ADAMTS2: variants seen among roughly 807,000 people sequenced by gnomAD.
ADAMTS2 encodes the protein ADAM metallopeptidase with thrombospondin type 1 motif 2, also known as A disintegrin and metalloproteinase with thrombospondin motifs 2.
Under a neutral mutation model 123.0 loss-of-function variants are expected in ADAMTS2, and 50 were observed. The observed-to-expected ratio is 0.41, with a 90% confidence interval of 0.32 to 0.51. The LOEUF (loss-of-function observed/expected upper bound fraction) is 0.51, where lower values mean the gene tolerates loss of function less well. Among genes scored for constraint, ADAMTS2 ranks in the 20% least tolerant of loss-of-function variants. The pLI is 0.35. For missense variants in ADAMTS2, 1,494 were observed against 1,705.2 expected (o/e 0.88, Z 2.18); for synonymous variants, 678 against 695.4 (o/e 0.98, Z 0.39).
rs191310827 is a variant in ADAMTS2 at position 179,190,221 on chromosome 5, T to G, written c.892-9066A>C. ...GAAGTGTTGGGGTGGTGAAAATTTTTGGGGGTGATATGGAGAGATAATGGG... is the reference window on the plus strand; with the variant it reads ...GAAGTGTTGGGGTGGTGAAAATTTTGGGGGGTGATATGGAGAGATAATGGG... On this transcript the variant is annotated intron_variant, in intron 4 of 21. Coordinates refer to ENST00000251582, the MANE Select transcript of ADAMTS2 (RefSeq NM_014244.5). 4.2e-3 allele frequency among the ~76,000 whole-genome samples: 635 copies of G among 152,220 alleles called. 8 individuals are homozygous for G. Among genetic ancestry groups the G allele is most frequent in the African/African-American group, 0.014 (592 of 41,534 alleles).
chr5:179,178,104 A>T (rs1360983208), intron 5 of ADAMTS2, among the ~76,000 whole-genome samples: 1 of 152,176 alleles, frequency 6.6e-6, no homozygotes, highest in African/African-American at 2.4e-5. Context: ...AGAGGATATA[A>T]CTCTGTCCAT....
chr5:179,325,387 G>C lies in ADAMTS2; in HGVS notation c.534+18380C>G, dbSNP rs925970642. Among the ~76,000 whole-genome samples the C allele has an allele frequency of 4.6e-5, 7 of 152,312 alleles. No individual in the cohort carries two copies. The South Asian group carries it at 1.5e-3, about 32-fold the overall frequency. The stretch of plus-strand genomic sequence containing the variant: ...GTGGGAGAAACGGGGGCAGGGAGAA[G>C]ACAGGGCAGATGTCCTGGAGACAGA... On this transcript the variant is annotated intron_variant, in intron 2 of 21. Coordinates refer to ENST00000251582, the MANE Select transcript of ADAMTS2 (RefSeq NM_014244.5).
chr5:179,154,882 G>T lies in ADAMTS2; in HGVS notation c.1170C>A (p.Arg390=). 1.2e-6 allele frequency: 2 copies of T among 1,613,724 alleles called. No individual in the cohort carries two copies. Among genetic ancestry groups the T allele is most frequent in the Non-Finnish European group, 1.7e-6 (2 of 1,179,950 alleles). Residue 390 remains arginine, a synonymous_variant, in exon 7 of 22, where the codon CGC becomes CGA. Transcript: ENST00000251582. ...CGTCCTCATGGTTCAGGGTGCAGCTGCGGACCGGATGGCACATGCCGGTGA... is the reference window on the plus strand; with the variant it reads ...CGTCCTCATGGTTCAGGGTGCAGCTTCGGACCGGATGGCACATGCCGGTGA... ...APVTGMCHPV[R]SCTLNHEDGF...
intron 4 of ADAMTS2, among the ~76,000 whole-genome samples, chr5:179,186,559 C>T (rs998578260): frequency 1.3e-5 from 2 of 152,204 alleles, no homozygotes; most frequent in Non-Finnish European, 2.9e-5. Flanking sequence ...CCTGCCCAGC[C>T]CTGGCCAGAG....
intron 3 of ADAMTS2, among the ~76,000 whole-genome samples, chr5:179,243,404 G>A (rs1431867482): frequency 6.6e-6 from 1 of 152,206 alleles, no homozygotes; most frequent in African/African-American, 2.4e-5. Context: ...GACAGTCATA[G>A]GGAGCCCTGC....
rs1309849907 is a variant in ADAMTS2 at position 179,158,965 on chromosome 5, C to T, written c.976-86G>A. On this transcript the variant is annotated intron_variant, in intron 5 of 21. Transcript: ENST00000251582. The surrounding 1 kb of genome is among the most constrained non-coding windows in gnomAD (Gnocchi z 5.0). ...CCGAGCAGGCTGTAGTGTTGACAGACCCCATCCACTGGGAATCTGTTCCAG... is the reference window on the plus strand; with the variant it reads ...CCGAGCAGGCTGTAGTGTTGACAGATCCCATCCACTGGGAATCTGTTCCAG... 2.2e-5 allele frequency: 33 copies of T among 1,512,330 alleles called. No homozygotes were observed. Among genetic ancestry groups the T allele is most frequent in the Non-Finnish European group, 2.6e-5 (29 of 1,113,824 alleles). 93.7% of individuals were successfully genotyped at this position (1,512,330 alleles called of 1,614,324 possible).
At chr5:179,153,734 T>A in intron 8 of ADAMTS2, 111 bp from the exon 9 acceptor site, 2 of 1,421,794 alleles carry the variant, frequency 1.4e-6, no homozygotes, top group Non-Finnish European at 9.4e-7. Context: ...TACCTGCACA[T>A]CCCGGCCCCT....
chr5:179,321,710 C>G (rs917588686), intron 2 of ADAMTS2, among the ~76,000 whole-genome samples: 1 of 150,794 alleles, frequency 6.6e-6, no homozygotes, highest in African/African-American at 2.4e-5. Flanking sequence ...AGACCTTGCC[C>G]CTGCACCTAG....
Position 179,312,702 on chromosome 5 carries a change from A to T in ADAMTS2, c.534+31065T>A, listed in dbSNP as rs1756866932. Among the ~76,000 whole-genome samples the T allele has an allele frequency of 6.6e-6, 1 of 152,200 alleles. No individual in the cohort carries two copies. Among genetic ancestry groups the T allele is most frequent in the Non-Finnish European group, 1.5e-5 (1 of 68,038 alleles). ...AGGGAGATGGAGGATGTCGGCCCTGAAGCCCAGAGCGAAGAGGCCACAAGC... is the reference window on the plus strand; with the variant it reads ...AGGGAGATGGAGGATGTCGGCCCTGTAGCCCAGAGCGAAGAGGCCACAAGC... On this transcript the variant is annotated intron_variant, in intron 2 of 21. Transcript: ENST00000251582. This position sits in a 1 kb window ranked among gnomAD's most constrained non-coding sequence, Gnocchi z 4.2.
intron 2 of ADAMTS2, among the ~76,000 whole-genome samples, chr5:179,310,158 C>G (rs2113573669): frequency 6.6e-6 from 1 of 152,376 alleles, no homozygotes; most frequent in South Asian, 2.1e-4. Context: ...CTGCACGTCC[C>G]ATGTCCCCAC....
intron 4 of ADAMTS2, among the ~76,000 whole-genome samples, chr5:179,190,633 G>C (rs1448820151): frequency 1.3e-5 from 2 of 152,190 alleles, no homozygotes; most frequent in Non-Finnish European, 2.9e-5. Flanking sequence ...CAACACCTAG[G>C]TGATTCAAAA....
chr5:179,186,409 G>A (rs977080211), intron 4 of ADAMTS2, among the ~76,000 whole-genome samples: 2 of 152,240 alleles, frequency 1.3e-5, no homozygotes, highest in African/African-American at 4.8e-5. Context: ...GGCAGGCAGG[G>A]TTTGTGGGGC....
intron 11 of ADAMTS2, among the ~76,000 whole-genome samples, chr5:179,139,546 G>T (rs569946608): frequency 6.6e-6 from 1 of 152,060 alleles, no homozygotes; most frequent in African/African-American, 2.4e-5. Context: ...CTAGCATCGG[G>T]GGGGCTGAGA....
rs140112641 is a variant in ADAMTS2, at chr5:179,115,468, T to A, written c.3179-1144A>T. 6.6e-6 allele frequency among the ~76,000 whole-genome samples: 1 copy of A among 152,280 alleles called. No individual in the cohort carries two copies. Among genetic ancestry groups the A allele is most frequent in the East Asian group, 1.9e-4 (1 of 5,182 alleles). The stretch of plus-strand genomic sequence containing the variant: ...TGACCTCCGTGAGCCCAACACCGCC[T>A]GTTGTGGTCTCTGCTCAGCTGCTCT... On this transcript the variant is annotated intron_variant, in intron 21 of 21. Coordinates refer to ENST00000251582, the MANE Select transcript of ADAMTS2 (RefSeq NM_014244.5). The surrounding 1 kb of genome is among the most constrained non-coding windows in gnomAD (Gnocchi z 4.4).
intron 3 of ADAMTS2, among the ~76,000 whole-genome samples, chr5:179,245,552 G>T (rs1330855600): frequency 6.6e-6 from 1 of 151,064 alleles, no homozygotes; most frequent in Non-Finnish European, 1.5e-5. Context: ...GGATCACGAG[G>T]TCAGGAGATC....
intron 3 of ADAMTS2, among the ~76,000 whole-genome samples, chr5:179,269,982 G>A (rs1474178564): frequency 6.6e-6 from 1 of 152,140 alleles, no homozygotes; most frequent in Non-Finnish European, 1.5e-5. Flanking sequence ...CCAGGGAGGA[G>A]AGAAAAGGAC....
rs1282990224 is a variant in ADAMTS2, at chr5:179,114,305, G to T, written c.3198C>A (p.Asp1066Glu). The T allele has an allele frequency of 1.2e-6, 2 of 1,613,980 alleles. No homozygotes were observed. The highest frequency in any genetic ancestry group is 2.2e-5 in the South Asian group (2 of 91,052). Reference protein sequence around the residue: ...KISSKGHCQGDKSIFCRMEVL... With the variant: ...KISSKGHCQGEKSIFCRMEVL... The stretch of plus-strand genomic sequence containing the variant: ...CTTCCATCCTACAGAATATTGACTT[G>T]TCGCCTTGGCAGTGGCCCTCTGAAA... Residue 1066 changes from aspartate (D) to glutamate (E), a missense_variant, in exon 22 of 22, where the codon GAC (aspartate) becomes GAA (glutamate). Around this residue, in one of 6 missense-constraint regions of ADAMTS2, gnomAD observed 953 missense variants for 1,124.7 expected, o/e 0.85. Coordinates refer to ENST00000251582, the MANE Select transcript of ADAMTS2 (RefSeq NM_014244.5).
chr5:179,200,713 A>G (rs956431031), intron 4 of ADAMTS2, among the ~76,000 whole-genome samples: 6 of 152,156 alleles, frequency 3.9e-5, no homozygotes, highest in African/African-American at 1.4e-4. Flanking sequence ...CATCAAACAC[A>G]TCACCCAAGG....
chr5:179,339,537 C>T (rs1757709768), intron 2 of ADAMTS2, among the ~76,000 whole-genome samples: 1 of 152,194 alleles, frequency 6.6e-6, no homozygotes, highest in South Asian at 2.1e-4. Context: ...TTAAACTGAG[C>T]AAGTCTTAAG....
Sources: allele counts gnomAD v4.1 joint callset (sites outside exome capture counted in the v4.1 genomes callset), GRCh38; gene constraint gnomAD v4.1.1; regional missense constraint gnomAD v4.1.1; non-coding constraint Gnocchi (gnomAD v3.1); transcripts MANE v1.5; gene names NCBI Gene and HGNC (gene_info 2026-07-23, HGNC 2026-07-21).